Variants in EFR3B observed in about 807,000 individuals in gnomAD.
EFR3B encodes the protein protein EFR3 homolog B.
In EFR3B, 64 loss-of-function variants were observed where a neutral mutation model predicts 104.7. The observed-to-expected ratio is 0.61, with a 90% CI of 0.50 to 0.75. The LOEUF (loss-of-function observed/expected upper bound fraction) is 0.75. Ranked by LOEUF, EFR3B falls within the 30% of genes least tolerant of loss-of-function variation. EFR3B has a pLI of 0.00. For missense variants in EFR3B, 750 were observed against 1,078.5 expected, an observed-to-expected ratio of 0.70 and a Z score of 4.27; for synonymous variants, 385 against 417.9, an observed-to-expected ratio of 0.92 and a Z score of 0.96.
intron 3 of EFR3B, among the ~76,000 whole-genome samples, chr2:25,098,410 G>T (rs1300301385): frequency 1.3e-5 from 2 of 151,944 alleles, no homozygotes; most frequent in Admixed American, 6.6e-5. Context: ...CCTTTCTTAG[G>T]CCAGTTCAGA....
At chr2:25,070,915 A>G (rs1668475604) in intron 1 of EFR3B, among the ~76,000 whole-genome samples, 2 of 152,228 alleles carry the variant, frequency 1.3e-5, no homozygotes, top group African/African-American at 4.8e-5. Context: ...ACAAAGGAGA[A>G]AATTCATTGT....
chr2:25,091,351 C>T lies in EFR3B; in HGVS notation c.34C>T (p.Arg12Cys), dbSNP rs1049878572. Residue 12 changes from arginine (R) to cysteine (C), a missense_variant, in exon 2 of 23, where the codon CGC becomes TGC. Physicochemically the swap from Arg to Cys is radical, Grantham distance 180. Transcript: ENST00000403714. The part of the protein sequence containing the change: ...YGVCGCCGAL[R>C]PRYKRLVDNI... ...TGTGTGTGGCTGCTGTGGTGCCCTA[C>T]GCCCCAGGTACAAAAGGCTGGTTGA... The T allele has an allele frequency of 3.5e-5, 55 of 1,549,964 alleles. No individual in the cohort carries two copies. The highest frequency in any genetic ancestry group is 4.4e-5 in the Non-Finnish European group (51 of 1,146,388).
chr2:25,131,875 G>A lies in EFR3B; in HGVS notation c.1111G>A (p.Glu371Lys). The part of the protein sequence containing the change: ...LGTKIIKEHE[E>K]RMFQEAVIKT... ...CACCAAGATCATCAAGGAGCACGAGGAGCGCATGTTCCAGGAGGCCGTCAT... is the reference window on the plus strand; with the variant it reads ...CACCAAGATCATCAAGGAGCACGAGAAGCGCATGTTCCAGGAGGCCGTCAT... The change falls in exon 10 of 23, where the codon GAG becomes AAG. Residue 371 changes from glutamate (E) to lysine (K), a missense_variant. By Grantham distance (56) the Glu-to-Lys change is moderately conservative. Coordinates refer to ENST00000403714, the MANE Select transcript of EFR3B (RefSeq NM_014971.2). This position sits in a 1 kb window ranked among gnomAD's most constrained non-coding sequence, Gnocchi z 7.6. 1 of 1,546,718 alleles carries A rather than the reference G, an allele frequency of 6.5e-7. No homozygotes were observed. Among genetic ancestry groups the A allele is most frequent in the Non-Finnish European group, 8.7e-7 (1 of 1,145,254 alleles).
At chr2:25,057,011 C>G (rs1267945665) in intron 1 of EFR3B, among the ~76,000 whole-genome samples, 4 of 152,286 alleles carry the variant, frequency 2.6e-5, no homozygotes, top group African/African-American at 9.6e-5. Flanking sequence ...GAAGGGTTTT[C>G]CAGCTCTTCT....
At chr2:25,149,583 A>T in intron 19 of EFR3B, 111 bp from the exon 20 acceptor site, 1 of 1,116,224 alleles carries the variant, frequency 9.0e-7, no homozygotes, top group Non-Finnish European at 1.3e-6. Flanking sequence ...CTTCCTGCCC[A>T]CTGGGACTTT....
intron 1 of EFR3B, among the ~76,000 whole-genome samples, chr2:25,088,722 G>T (rs1669028211): frequency 6.6e-6 from 1 of 152,132 alleles, no homozygotes; most frequent in African/African-American, 2.4e-5. Flanking sequence ...CATAGAGAAT[G>T]TTGTTACTTG....
chr2:25,065,639 T>A (rs1325731715), intron 1 of EFR3B, among the ~76,000 whole-genome samples: 1 of 152,160 alleles, frequency 6.6e-6, no homozygotes, highest in Non-Finnish European at 1.5e-5. Context: ...AGGTCACCAG[T>A]GCAGGCCTGA....
At position 25,124,277 on chromosome 2, in the gene EFR3B, AGTGTGTGTGTGTGTGTGTGTGTGTGTGT is replaced by A. The variant is rs5829961; in HGVS notation, c.485+2511_485+2538del. ...GTCCAGCAGTGGGCCTGTGCATGCA[AGTGTGTGTGTGTGTGTGTGTGTGTGTGT>A]GTGTGTGTGTGTGTGTGTGTGTGTG... On this transcript the variant is annotated intron_variant, in intron 5 of 22. Coordinates refer to ENST00000403714, the MANE Select transcript of EFR3B (RefSeq NM_014971.2). 8.0e-5 allele frequency among the ~76,000 whole-genome samples: 10 copies of A among 124,894 alleles called. No homozygotes were observed. In the East Asian group the frequency reaches 1.2e-3, roughly 15 times the overall value. The allele number at this position is 124,894 out of a possible 152,430, so 81.9% of individuals were successfully genotyped here.
At chr2:25,122,523 T>C (rs1199935854) in intron 5 of EFR3B, among the ~76,000 whole-genome samples, 2 of 151,816 alleles carry the variant, frequency 1.3e-5, no homozygotes, top group African/African-American at 4.8e-5. Context: ...CCAGCTGCAT[T>C]CTCCACTCCA....
chr2:25,091,041 G>C (rs544091032), intron 1 of EFR3B, among the ~76,000 whole-genome samples: 4 of 152,278 alleles, frequency 2.6e-5, no homozygotes, highest in African/African-American at 9.6e-5. Flanking sequence ...CCCTCAAAAT[G>C]CTCCCTGTGG....
At chr2:25,079,200 T>C (rs898936169) in intron 1 of EFR3B, among the ~76,000 whole-genome samples, 2 of 152,206 alleles carry the variant, frequency 1.3e-5, no homozygotes, top group Admixed American at 1.3e-4. Flanking sequence ...CAAACTAAAT[T>C]AAATATTTGC....
chr2:25,118,033 G>T (rs1669909263), intron 4 of EFR3B, among the ~76,000 whole-genome samples: 1 of 152,182 alleles, frequency 6.6e-6, no homozygotes, highest in Non-Finnish European at 1.5e-5. Flanking sequence ...AGGCTGGAGT[G>T]CAGTGGTGTG....
In EFR3B at chr2:25,133,007, A is replaced by C. The variant is rs943728619; in HGVS notation, c.1252A>C (p.Arg418=). 6.4e-7 allele frequency: 1 copy of C among 1,551,408 alleles called. No individual in the cohort carries two copies. The highest frequency in any genetic ancestry group is 1.4e-5 in the African/African-American group (1 of 73,050). The change falls in exon 11 of 23, where the codon AGG becomes CGG. Residue 418 remains arginine, a synonymous_variant. Transcript: ENST00000403714. The part of the protein sequence containing the change: ...PSLHQAVDTG[R]TGENRNRLTQ... The stretch of plus-strand genomic sequence containing the variant: ...CCTGCACCAGGCGGTGGACACAGGC[A>C]GGACGGGGTGAGCCACCAATCTCCC...
At position 25,137,317 on chromosome 2, in the gene EFR3B, C is replaced by T. The variant is rs112767688; in HGVS notation, c.1561-24C>T. ...CCTGTCCCCATCCCTCCGACCCTGGCCTTCTGCCCGCTCCTGTCCCCAGCA... is the reference window on the plus strand; with the variant it reads ...CCTGTCCCCATCCCTCCGACCCTGGTCTTCTGCCCGCTCCTGTCCCCAGCA... On this transcript the variant is annotated intron_variant, in intron 14 of 22. Coordinates refer to ENST00000403714, the MANE Select transcript of EFR3B (RefSeq NM_014971.2). The surrounding 1 kb of genome is among the most constrained non-coding windows in gnomAD (Gnocchi z 4.7). The T allele has an allele frequency of 0.038, 59,272 of 1,551,602 alleles. 1,582 individuals are homozygous for T. The highest frequency in any genetic ancestry group is 0.11 in the South Asian group (9,179 of 83,996).
At chr2:25,105,880 C>T (rs1669548065) in intron 4 of EFR3B, among the ~76,000 whole-genome samples, 3 of 152,200 alleles carry the variant, frequency 2.0e-5, no homozygotes, top group East Asian at 3.9e-4. Context: ...GATTCCCCAT[C>T]GCAGTGAATC....
intron 21 of EFR3B, 137 bp downstream of exon 21, chr2:25,152,157 G>C (rs2149215242): frequency 1.2e-6 from 1 of 815,386 alleles, no homozygotes; most frequent in Non-Finnish European, 1.9e-6. Flanking sequence ...CCAGACATCA[G>C]GGCTTGTATT....
chr2:25,081,298 C>T (rs544250018), intron 1 of EFR3B: 10 of 946,064 alleles, frequency 1.1e-5, no homozygotes, highest in African/African-American at 6.5e-5. Context: ...TCAGCTGAAA[C>T]CTGCGCCTTC....
intron 4 of EFR3B, among the ~76,000 whole-genome samples, chr2:25,116,340 C>T (rs913371731): frequency 1.3e-5 from 2 of 152,074 alleles, no homozygotes; most frequent in Non-Finnish European, 2.9e-5. Context: ...GAAAAGGAAA[C>T]AGGCCAGGTG....
intron 1 of EFR3B, among the ~76,000 whole-genome samples, chr2:25,088,425 T>C (rs745843681): frequency 1.3e-5 from 2 of 152,122 alleles, no homozygotes; most frequent in African/African-American, 2.4e-5. Context: ...TCTCAACTCT[T>C]AGGCCTTTGG....
Sources: allele counts gnomAD v4.1 joint callset (sites outside exome capture counted in the v4.1 genomes callset), GRCh38; gene constraint gnomAD v4.1.1; non-coding constraint Gnocchi (gnomAD v3.1); transcripts MANE v1.5; gene names NCBI Gene and HGNC (gene_info 2026-07-23, HGNC 2026-07-21).